Variants in KLHL17 observed in about 807,000 individuals in gnomAD.
The protein encoded by KLHL17 is kelch like family member 17.
A neutral mutation model predicts 64.6 loss-of-function variants in KLHL17; 71 were observed. The ratio of observed to expected loss-of-function variants is 1.10; its 90% CI spans 0.91 to 1.34. The LOEUF is 1.34. KLHL17 is among the 40% of genes most tolerant of loss of function. KLHL17 has a pLI of 0.00. For missense variants in KLHL17, 1,140 were observed against 935.0 expected (o/e 1.22, Z -2.86); for synonymous variants, 612 against 405.4 (o/e 1.51, Z -6.12).
rs569406064 is a variant in KLHL17, at chr1:963,685, C to T, written c.1355+181C>T. On this transcript the variant is annotated intron_variant, in intron 8 of 11. Coordinates refer to ENST00000338591, the MANE Select transcript of KLHL17 (RefSeq NM_198317.3). ...TGGCTTTGCTGCCCCAGTGCCCTTT[C>T]CTCTCTCGGGTCCTTACCCCCAGTC... The T allele has an allele frequency of 1.5e-5, 13 of 857,582 alleles. No individual in the cohort carries two copies. The Admixed American group carries it at 1.7e-4, about 11-fold the overall frequency. 53.1% of individuals were successfully genotyped at this position (857,582 alleles called of 1,614,324 possible).
chr1:963,644 A>G, intron 8 of KLHL17, 140 bp downstream of exon 8: 1 of 1,030,068 alleles, frequency 9.7e-7, no homozygotes, highest in Non-Finnish European at 1.4e-6. Flanking sequence ...CCACTGCCAC[A>G]CTGGGCCTGA....
In KLHL17 at chr1:962,374, G is replaced by A. The variant is rs760074548; in HGVS notation, c.731G>A (p.Ser244Asn). Residue 244 changes from serine to asparagine, a missense_variant, in exon 5 of 12, where the codon AGC becomes AAC. Ser to Asn is a conservative substitution (Grantham distance 46). Coordinates refer to ENST00000338591, the MANE Select transcript of KLHL17 (RefSeq NM_198317.3). ...PLKQVLELVS[S>N]DSLNVPSEEE... is the part of the protein sequence containing the mutation. ...TCCCAGGTTCTGGAACTGGTCTCTA[G>A]CGACAGCCTGAACGTGCCTTCAGAG... is the stretch of plus-strand genomic sequence containing the variant. The A allele has an allele frequency of 2.4e-5, 38 of 1,612,766 alleles. 1 individual carries two copies. The highest frequency in any genetic ancestry group is 3.2e-5 in the Non-Finnish European group (38 of 1,179,922).
chr1:962,247 A>G (rs1642691248), intron 4 of KLHL17, 108 bp from the exon 5 acceptor site: 5 of 1,561,676 alleles, frequency 3.2e-6, no homozygotes, highest in Non-Finnish European at 4.4e-6. Context: ...CCCTCCCAGT[A>G]TGAACACTCA....
rs766693373 is a variant in KLHL17 at position 963,497 on chromosome 1, C to T, written c.1348C>T (p.Leu450=). 1.9e-5 allele frequency: 30 copies of T among 1,607,228 alleles called. No individual in the cohort carries two copies. The African/African-American group carries it at 2.9e-4, about 16-fold the overall frequency. ...SAGGYDGASC[L]NSAERYDPLT... is the part of the protein sequence containing the mutation. ...CGGCGGCTATGACGGGGCCTCCTGC[C>T]TGAACAGGTAGTTGGGGTTGGGGCC... Residue 450 remains leucine, a synonymous_variant, in exon 8 of 12, where the codon CTG becomes TTG. Transcript: ENST00000338591.
rs151136996 is a variant in KLHL17, at chr1:962,616, G to A, written c.829-88G>A. On this transcript the variant is annotated intron_variant, in intron 5 of 11. Coordinates refer to ENST00000338591, the MANE Select transcript of KLHL17 (RefSeq NM_198317.3). Reference sequence around the variant, plus strand: ...GTCTGAAGAAGAATCCATCACACAGGTGGTACGGGCATCTGGGGGGTTGTC... The same window carrying A: ...GTCTGAAGAAGAATCCATCACACAGATGGTACGGGCATCTGGGGGGTTGTC... 118 of 1,523,062 alleles carry A rather than the reference G, an allele frequency of 7.7e-5. No individual in the cohort carries two copies. The African/African-American group carries it at 1.4e-3, about 18-fold the overall frequency. The allele number at this position is 1,523,062 out of a possible 1,614,324, so 94.3% of individuals were successfully genotyped here. A position where few individuals can be genotyped will look rare whatever the true frequency, so the allele number is the denominator to read the frequency against.
At chr1:962,254 C>G (rs761878137) in intron 4 of KLHL17, 101 bp from the exon 5 acceptor site, 3 of 1,580,892 alleles carry the variant, frequency 1.9e-6, no homozygotes, top group South Asian at 2.3e-5. Context: ...AGTATGAACA[C>G]TCAGCCCCCA....
intron 4 of KLHL17, 27 bp from the exon 5 acceptor site, chr1:962,328 C>T (rs1281073429): frequency 1.2e-6 from 2 of 1,611,988 alleles, no homozygotes; most frequent in South Asian, 1.1e-5. Context: ...CTCCCCAGAT[C>T]TCAGGTCTGA....
rs762450631 is a variant in KLHL17, at chr1:962,020, G to A, written c.684G>A (p.Glu228=). The A allele has an allele frequency of 1.2e-5, 20 of 1,612,884 alleles. No individual in the cohort carries two copies. The highest frequency in any genetic ancestry group is 4.5e-5 in the East Asian group (2 of 44,886). ...LQHFVDVAKT[E]EFMLLPLKQV... is the part of the protein sequence containing the mutation. Reference sequence around the variant, plus strand: ...ACTTCGTGGACGTGGCCAAGACCGAGGAGTTTATGCTGCTGCCCCTGAAAC... The same window carrying A: ...ACTTCGTGGACGTGGCCAAGACCGAAGAGTTTATGCTGCTGCCCCTGAAAC... The change falls in exon 4 of 12, where the codon GAG becomes GAA. Residue 228 remains glutamate (E), a synonymous_variant. Coordinates refer to ENST00000338591, the MANE Select transcript of KLHL17 (RefSeq NM_198317.3).
At position 963,080 on chromosome 1, in the gene KLHL17, C is replaced by G. The variant is rs200852961; in HGVS notation, c.1043-29C>G. On this transcript the variant is annotated intron_variant, in intron 6 of 11. Coordinates refer to ENST00000338591, the MANE Select transcript of KLHL17 (RefSeq NM_198317.3). Reference sequence around the variant, plus strand: ...GTGGCCCAGCAGTGGGATCCACTCACGAGTCCCGTCTCCACCTGCCCTCCC... The same window carrying G: ...GTGGCCCAGCAGTGGGATCCACTCAGGAGTCCCGTCTCCACCTGCCCTCCC... 14 of 1,606,738 alleles carry G rather than the reference C, an allele frequency of 8.7e-6. No homozygotes were observed. The African/African-American group carries it at 1.3e-4, about 15-fold the overall frequency.
Position 961,961 on chromosome 1 carries a change from C to G in KLHL17, c.625C>G (p.Leu209Val), listed in dbSNP as rs377602573. Residue 209 changes from leucine (L) to valine (V), a missense_variant, in exon 4 of 12, where the codon CTG (leucine) becomes GTG (valine). Transcript: ENST00000338591. ...TGCCGATGCGCACTCCTGCAGCGAC[C>G]TGCTCAAGGCCGCCCACAGGTACGT... is the stretch of plus-strand genomic sequence containing the variant. ...GFADAHSCSD[L>V]LKAAHRYVLQ... 3 of 1,612,958 alleles carry G rather than the reference C, an allele frequency of 1.9e-6. No individual in the cohort carries two copies. The highest frequency in any genetic ancestry group is 2.5e-6 in the Non-Finnish European group (3 of 1,180,012).
chr1:961,151 C>G (rs1349488324), intron 1 of KLHL17, 142 bp from the exon 2 acceptor site: 13 of 498,088 alleles, frequency 2.6e-5, no homozygotes, highest in South Asian at 9.4e-5. Context: ...GGCGGGGGTC[C>G]TTGGCGGAGG....
intron 3 of KLHL17, 25 bp downstream of exon 3, chr1:961,775 C>T (rs1309102046): frequency 7.4e-6 from 12 of 1,611,362 alleles, no homozygotes; most frequent in Admixed American, 1.7e-5. Flanking sequence ...ACCCGGATCC[C>T]GGTGTCCCCC....
At position 961,853 on chromosome 1, in the gene KLHL17, C is replaced by T; in HGVS notation, c.517C>T (p.Gln173Ter). The T allele has an allele frequency of 1.2e-6, 2 of 1,611,358 alleles. No individual in the cohort carries two copies. The highest frequency in any genetic ancestry group is 1.7e-6 in the Non-Finnish European group (2 of 1,179,974). The change falls in exon 4 of 12, where the codon CAG becomes TAG. Residue 173 changes from glutamine (Q) to a stop codon, truncating the protein, a stop_gained. Transcript: ENST00000338591. LOFTEE classifies it high-confidence loss of function. ...TCTGCTCCCAGCCGCCAGTCTCCTG[C>T]AGCTGAATGGCGTCCGAGACGCTTG... ...QTLLPAASLLQLNGVRDACCK... is the reference protein window; with the variant it reads ...QTLLPAASLL
In KLHL17 at chr1:963,233, C is replaced by T. The variant is rs61746776; in HGVS notation, c.1167C>T (p.Asn389=). ...RARVGVAAVG[N]RLYAVGGYDG... Reference sequence around the variant, plus strand: ...GGGTGGGAGTGGCTGCGGTGGGGAACCGGCTCTATGCTGTGGGCGGGTAAG... The same window carrying T: ...GGGTGGGAGTGGCTGCGGTGGGGAATCGGCTCTATGCTGTGGGCGGGTAAG... Residue 389 remains asparagine, a synonymous_variant, in exon 7 of 12, where the codon AAC becomes AAT. Transcript: ENST00000338591. 7.0e-4 allele frequency: 1,121 copies of T among 1,607,036 alleles called. 6 individuals carry two copies. The African/African-American group carries it at 0.014, about 20-fold the overall frequency.
At chr1:962,502 C>T (rs928667101) in intron 5 of KLHL17, 31 bp downstream of exon 5, 2 of 1,608,542 alleles carry the variant, frequency 1.2e-6, no homozygotes, top group Non-Finnish European at 1.7e-6. Context: ...GCTCCCACAG[C>T]ATCCAGGAGG....
Position 961,845 on chromosome 1 carries a change from G to A in KLHL17, c.509G>A (p.Ser170Asn), listed in dbSNP as rs1487824169. Residue 170 changes from serine (S) to asparagine (N), a missense_variant, in exon 4 of 12, where the codon AGT becomes AAT. Ser to Asn is a conservative substitution (Grantham distance 46). Transcript: ENST00000338591. ...GNVQTLLPAASLLQLNGVRDA... is the reference protein window; with the variant it reads ...GNVQTLLPAANLLQLNGVRDA... ...CCGTAGACTCTGCTCCCAGCCGCCA[G>A]TCTCCTGCAGCTGAATGGCGTCCGA... 7.4e-6 allele frequency: 12 copies of A among 1,610,978 alleles called. No homozygotes were observed. The highest frequency in any genetic ancestry group is 1.0e-5 in the Non-Finnish European group (12 of 1,179,968).
rs748432046 is a variant in KLHL17, at chr1:961,808, C to T, written c.490-18C>T. ...CCCGACCCTGTGCCTCCCTCACCTG[C>T]CTCTCGGTGCCCCGTAGACTCTGCT... is the stretch of plus-strand genomic sequence containing the variant. On this transcript the variant is annotated intron_variant, in intron 3 of 11. Coordinates refer to ENST00000338591, the MANE Select transcript of KLHL17 (RefSeq NM_198317.3). 3.7e-6 allele frequency: 6 copies of T among 1,610,406 alleles called. No individual in the cohort carries two copies. Among genetic ancestry groups the T allele is most frequent in the Non-Finnish European group, 4.2e-6 (5 of 1,179,632 alleles).
chr1:963,306 G>T, intron 7 of KLHL17, 31 bp from the exon 8 acceptor site: 1 of 1,601,910 alleles, frequency 6.2e-7, no homozygotes. Context: ...CGCCAGGCCA[G>T]TCTTGACCTG....
In KLHL17 at chr1:963,216, G is replaced by T; in HGVS notation, c.1150G>T (p.Val384Leu). ...SMSTRRARVG[V>L]AAVGNRLYAV... Reference sequence around the variant, plus strand: ...GTCCACGCGCCGGGCCCGGGTGGGAGTGGCTGCGGTGGGGAACCGGCTCTA... The same window carrying T: ...GTCCACGCGCCGGGCCCGGGTGGGATTGGCTGCGGTGGGGAACCGGCTCTA... Residue 384 changes from valine (V) to leucine (L), a missense_variant, in exon 7 of 12, where the codon GTG (valine) becomes TTG (leucine). Coordinates refer to ENST00000338591, the MANE Select transcript of KLHL17 (RefSeq NM_198317.3). 6.2e-7 allele frequency: 1 copy of T among 1,607,340 alleles called. No individual in the cohort carries two copies. Among genetic ancestry groups the T allele is most frequent in the Non-Finnish European group, 8.5e-7 (1 of 1,176,210 alleles).
Sources: allele counts gnomAD v4.1 joint callset, GRCh38; gene constraint gnomAD v4.1.1; transcripts MANE v1.5; gene names NCBI Gene and HGNC (gene_info 2026-07-23, HGNC 2026-07-21).